PARVA: variants seen among roughly 807,000 people sequenced by gnomAD.
PARVA encodes the protein alpha-parvin.
In PARVA, 25 loss-of-function variants were observed where a neutral mutation model predicts 52.6. The observed-to-expected ratio is 0.48, with a 90% CI of 0.35 to 0.66. PARVA has a LOEUF of 0.66. Among genes scored for constraint, PARVA ranks in the 30% least tolerant of loss-of-function variants. The pLI is 0.01. For synonymous variants in PARVA, 185 were observed against 179.1 expected, an observed-to-expected ratio of 1.03 and a Z score of -0.26; for missense variants, 373 against 450.9, an observed-to-expected ratio of 0.83 and a Z score of 1.56.
At position 12,389,503 on chromosome 11, in the gene PARVA, A is replaced by G. The variant is rs533941515; in HGVS notation, c.136+11720A>G. ...TCTTGGACTTACCCCAAACTTGGCA[A>G]TTACAGACACATGGGAGGTAATTGC... On this transcript the variant is annotated intron_variant, in intron 1 of 12. Transcript: ENST00000334956. 5.9e-5 allele frequency among the ~76,000 whole-genome samples: 9 copies of G among 152,248 alleles called. No homozygotes were observed. In the South Asian group the frequency reaches 1.9e-3, roughly 32 times the overall value.
intron 12 of PARVA, among the ~76,000 whole-genome samples, chr11:12,519,870 TG>T (rs1177476989): frequency 6.6e-6 from 1 of 152,208 alleles, no homozygotes; most frequent in Non-Finnish European, 1.5e-5. Flanking sequence ...GCTCTCTCTT[TG>T]GCAAGGCCAC....
chr11:12,476,667 C>T lies in PARVA; in HGVS notation c.298-1180C>T, dbSNP rs117811756. On this transcript the variant is annotated intron_variant, in intron 3 of 12. Transcript: ENST00000334956. ...TTTATGTTATAATCCTTTGGTTGACCGGTTTTCTGCCCCCATAAGCCTCTC... is the reference window on the plus strand; with the variant it reads ...TTTATGTTATAATCCTTTGGTTGACTGGTTTTCTGCCCCCATAAGCCTCTC... Among the ~76,000 whole-genome samples, 1,105 of 152,182 alleles carry T rather than the reference C, an allele frequency of 7.3e-3. 12 individuals are homozygous for T. The highest frequency in any genetic ancestry group is 0.02 in the Middle Eastern group (6 of 294).
chr11:12,512,676 G>C (rs533670197), intron 8 of PARVA, among the ~76,000 whole-genome samples: 23 of 152,232 alleles, frequency 1.5e-4, no homozygotes, highest in Non-Finnish European at 2.6e-4. Context: ...ACATGTCAGA[G>C]TTTACAGAGC....
chr11:12,393,293 C>T (rs1437812666), intron 1 of PARVA, among the ~76,000 whole-genome samples: 3 of 152,114 alleles, frequency 2.0e-5, no homozygotes, highest in Admixed American at 6.5e-5. Flanking sequence ...TCACAAAATA[C>T]ATATTAATAT....
upstream of PARVA, chr11:12,377,472 G>C (rs554846608): frequency 1.4e-6 from 2 of 1,407,098 alleles, no homozygotes; most frequent in Non-Finnish European, 1.8e-6. Context: ...GGCGGCGCGA[G>C]GGAGGGAGCG....
At chr11:12,490,555 T>A (rs911301990) in intron 4 of PARVA, among the ~76,000 whole-genome samples, 2 of 151,356 alleles carry the variant, frequency 1.3e-5, no homozygotes, top group African/African-American at 4.9e-5. Context: ...TAAAGGCATT[T>A]TCAATAAACA....
chr11:12,396,931 T>TCTTTC (rs71037067), intron 1 of PARVA, among the ~76,000 whole-genome samples: 67,838 of 145,340 alleles, frequency 0.47, 16,999 homozygotes, highest in East Asian at 0.65. Flanking sequence ...GTACTTGTTT[T>TCTTTC]CTTTCCTTTC....
intron 12 of PARVA, among the ~76,000 whole-genome samples, chr11:12,521,213 C>T (rs144901581): frequency 4.8e-4 from 73 of 152,218 alleles, no homozygotes; most frequent in African/African-American, 1.6e-3. Context: ...GCTGAAAAAC[C>T]AAGCAGGTTA....
At chr11:12,435,226 C>A (rs1258441831) in intron 1 of PARVA, among the ~76,000 whole-genome samples, 2 of 152,132 alleles carry the variant, frequency 1.3e-5, no homozygotes, top group African/African-American at 2.4e-5. Flanking sequence ...GCTCAAGGCT[C>A]CCCCCTCTCT....
intron 1 of PARVA, among the ~76,000 whole-genome samples, chr11:12,394,973 C>T (rs1362598596): frequency 6.6e-6 from 1 of 152,004 alleles, no homozygotes; most frequent in African/African-American, 2.4e-5. Flanking sequence ...TGCCTTTAAT[C>T]CCAGCTACTT....
intron 1 of PARVA, among the ~76,000 whole-genome samples, chr11:12,429,478 G>A (rs995824515): frequency 2.6e-5 from 4 of 152,108 alleles, no homozygotes; most frequent in African/African-American, 9.7e-5. Flanking sequence ...AGGATGTATA[G>A]CACACAGTTT....
chr11:12,490,293 G>A (rs1941218327), intron 4 of PARVA, among the ~76,000 whole-genome samples: 1 of 151,478 alleles, frequency 6.6e-6, no homozygotes, highest in Non-Finnish European at 1.5e-5. Flanking sequence ...GGAGGCTGAG[G>A]CGAATGGATC....
In PARVA at chr11:12,531,168, A is replaced by G. The variant is rs113458079; in HGVS notation, c.*3243A>G. On this transcript the variant is annotated 3_prime_UTR_variant, in exon 13 of 13. Transcript: ENST00000334956. ...GCCAGCAATGCAGTGCTCGCCTGCT[A>G]TATTAGAAGGCTCCAGTTTCACATG... Among the ~76,000 whole-genome samples the G allele has an allele frequency of 6.6e-6, 1 of 152,226 alleles. No individual in the cohort carries two copies. The highest frequency in any genetic ancestry group is 2.4e-5 in the African/African-American group (1 of 41,462).
intron 1 of PARVA, among the ~76,000 whole-genome samples, chr11:12,451,747 A>G (rs1046630375): frequency 2.6e-5 from 4 of 152,228 alleles, no homozygotes; most frequent in African/African-American, 4.8e-5. Context: ...CTATAGATTA[A>G]ATGAGATAAT....
intron 7 of PARVA, among the ~76,000 whole-genome samples, chr11:12,509,650 C>G (rs1329766379): frequency 1.3e-5 from 2 of 152,204 alleles, no homozygotes; most frequent in African/African-American, 4.8e-5. Context: ...GTGGGCATTC[C>G]AGGCCGAGAC....
chr11:12,472,200 AAACACT>A (rs946782651), intron 1 of PARVA, among the ~76,000 whole-genome samples: 2 of 152,182 alleles, frequency 1.3e-5, no homozygotes, highest in African/African-American at 4.8e-5. Context: ...AAAATACACT[AAACACT>A]AATGATAGCT....
At chr11:12,441,647 C>T (rs1053339418) in intron 1 of PARVA, among the ~76,000 whole-genome samples, 1 of 152,000 alleles carries the variant, frequency 6.6e-6, no homozygotes, top group Non-Finnish European at 1.5e-5. Context: ...AAAATTAAAA[C>T]GCAAGACATA....
chr11:12,420,084 T>C (rs7925312), intron 1 of PARVA, among the ~76,000 whole-genome samples: 59,082 of 152,052 alleles, frequency 0.39, 11,727 homozygotes, highest in Non-Finnish European at 0.43. Flanking sequence ...CTTGAAGTCT[T>C]TGAGTTTCCA....
chr11:12,520,784 T>C (rs1941626933), intron 12 of PARVA, among the ~76,000 whole-genome samples: 1 of 151,556 alleles, frequency 6.6e-6, no homozygotes, highest in Non-Finnish European at 1.5e-5. Flanking sequence ...ACCCCACCTG[T>C]ACAAAAAATA....
Sources: allele counts gnomAD v4.1 joint callset (sites outside exome capture counted in the v4.1 genomes callset), GRCh38; gene constraint gnomAD v4.1.1; transcripts MANE v1.5; gene names NCBI Gene and HGNC (gene_info 2026-07-23, HGNC 2026-07-21).